Variants in RUBCNL observed in about 807,000 individuals in gnomAD.
RUBCNL encodes rubicon like autophagy enhancer.
A neutral mutation model predicts 69.5 loss-of-function variants in RUBCNL; 62 were observed. The observed-to-expected ratio is 0.89, with a 90% CI of 0.73 to 1.10. RUBCNL has a LOEUF of 1.10. Among genes scored for constraint, RUBCNL ranks in the 50% least tolerant of loss-of-function variants. RUBCNL has a pLI of 0.00. For missense variants in RUBCNL, 768 were observed against 798.1 expected, an observed-to-expected ratio of 0.96 and a Z score of 0.45; for synonymous variants, 291 against 303.6, an observed-to-expected ratio of 0.96 and a Z score of 0.43.
chr13:46,384,615 A>G (rs918791418), intron 1 of RUBCNL, among the ~76,000 whole-genome samples: 4 of 152,236 alleles, frequency 2.6e-5, no homozygotes, highest in East Asian at 1.9e-4. Context: ...TTTAATAAAT[A>G]TAAAGCTAAG....
intron 14 of RUBCNL, 138 bp from the exon 15 acceptor site, chr13:46,343,635 C>T: frequency 3.7e-6 from 3 of 806,826 alleles, no homozygotes; most frequent in Admixed American, 2.9e-5. Context: ...ACCAGCCAGG[C>T]TGAAACGCAC....
intron 2 of RUBCNL, among the ~76,000 whole-genome samples, chr13:46,373,855 A>G (rs770839635): frequency 1.3e-5 from 2 of 152,230 alleles, no homozygotes; most frequent in South Asian, 2.1e-4. Flanking sequence ...CCTATTTGAC[A>G]TCTGTCCAGT....
chr13:46,343,457 G>A lies in RUBCNL; in HGVS notation c.1917C>T (p.Ser639=), dbSNP rs145783562. 147 of 1,613,806 alleles carry A rather than the reference G, an allele frequency of 9.1e-5. No homozygotes were observed. Among genetic ancestry groups the A allele is most frequent in the Middle Eastern group, 6.6e-4 (4 of 6,084 alleles). Residue 639 remains serine, a synonymous_variant, in exon 15 of 15, where the codon TCC becomes TCT. Transcript: ENST00000429979. The part of the protein sequence containing the change: ...ACFHKQCFQS[S]ECPRCARITA... Reference sequence around the variant, plus strand: ...TGATCCTCGCACACCGGGGGCACTCGGAGGACTGGAAGCACTGTTTGTGAA... The same window carrying A: ...TGATCCTCGCACACCGGGGGCACTCAGAGGACTGGAAGCACTGTTTGTGAA...
At chr13:46,349,728 G>A (rs1864300447) in intron 11 of RUBCNL, among the ~76,000 whole-genome samples, 1 of 151,614 alleles carries the variant, frequency 6.6e-6, no homozygotes, top group South Asian at 2.1e-4. Context: ...CCAGGCTGGA[G>A]TGCAGTAGTG....
Position 46,377,949 on chromosome 13 carries a change from A to G in RUBCNL, c.-182T>C. 2 of 1,609,032 alleles carry G rather than the reference A, an allele frequency of 1.2e-6. No individual in the cohort carries two copies. Among genetic ancestry groups the G allele is most frequent in the Non-Finnish European group, 1.7e-6 (2 of 1,178,174 alleles). ...ACAGAGGAGAAAGTAATGATTGGAA[A>G]CCATCAAAGTCCATGCAGTAGTGAC... On this transcript the variant is annotated 5_prime_UTR_variant, in exon 2 of 15. Transcript: ENST00000429979.
chr13:46,382,824 C>T (rs1411785363), intron 1 of RUBCNL, among the ~76,000 whole-genome samples: 1 of 152,200 alleles, frequency 6.6e-6, no homozygotes, highest in Non-Finnish European at 1.5e-5. Flanking sequence ...CATGAGCCAC[C>T]GCGCCTGGCC....
At chr13:46,360,183 G>GT (rs1184562676) in intron 8 of RUBCNL, among the ~76,000 whole-genome samples, 1 of 152,040 alleles carries the variant, frequency 6.6e-6, no homozygotes, top group Non-Finnish European at 1.5e-5. Flanking sequence ...GAGGTCAGGA[G>GT]TTTGAGACCA....
At chr13:46,388,961 T>C (rs2049305327), upstream of RUBCNL, among the ~76,000 whole-genome samples, 2 of 152,232 alleles carry the variant, frequency 1.3e-5, no homozygotes, top group African/African-American at 4.8e-5. Context: ...AGACCAGCTT[T>C]GACCTGCAAG....
chr13:46,335,254 G>GTTTTT lies in RUBCNL; in HGVS notation c.*8130_*8131insAAAAA, dbSNP rs1232528360. On this transcript the variant is annotated 3_prime_UTR_variant, in exon 15 of 15. Coordinates refer to ENST00000429979, the MANE Select transcript of RUBCNL (RefSeq NM_025113.5). ...TAATTTGTGTCTTTTTGTTGTTGTT[G>GTTTTT]TTGTTGTTTTTTTTTTTTTTTTTTT... Among the ~76,000 whole-genome samples the GTTTTT allele has an allele frequency of 9.3e-6, 1 of 107,216 alleles. No homozygotes were observed. The highest frequency in any genetic ancestry group is 3.8e-5 in the African/African-American group (1 of 26,318). The allele number at this position is 107,216 out of a possible 152,430, so 70.3% of individuals were successfully genotyped here. A position where few individuals can be genotyped will look rare whatever the true frequency, so the allele number is the denominator to read the frequency against.
rs2048103090 is a variant in RUBCNL at position 46,336,022 on chromosome 13, G to A, written c.*7363C>T. Among the ~76,000 whole-genome samples the A allele has an allele frequency of 6.6e-6, 1 of 152,188 alleles. No homozygotes were observed. The highest frequency in any genetic ancestry group is 6.5e-5 in the Admixed American group (1 of 15,274). On this transcript the variant is annotated 3_prime_UTR_variant, in exon 15 of 15. Coordinates refer to ENST00000429979, the MANE Select transcript of RUBCNL (RefSeq NM_025113.5). ...TATTTAGAGATGGACAGAGAAAGAA[G>A]AGGAAAACCTACAAAGGAGACCAAG...
chr13:46,389,549 G>A (rs1213650064), upstream of RUBCNL, among the ~76,000 whole-genome samples: 1 of 152,174 alleles, frequency 6.6e-6, no homozygotes, highest in Non-Finnish European at 1.5e-5. This position sits in a 1 kb window ranked among gnomAD's most constrained non-coding sequence, Gnocchi z 4.2. Flanking sequence ...GGGAGATTAG[G>A]ATATTTTGGA....
intron 1 of RUBCNL, among the ~76,000 whole-genome samples, chr13:46,380,979 G>C (rs2049104798): frequency 1.3e-5 from 2 of 152,156 alleles, no homozygotes; most frequent in African/African-American, 2.4e-5. Flanking sequence ...AAGGTAGGCA[G>C]CTGCACTTGA....
rs1344985707 is a variant in RUBCNL at position 46,363,162 on chromosome 13, T to C, written c.878A>G (p.Asp293Gly). 1 of 1,602,452 alleles carries C rather than the reference T, an allele frequency of 6.2e-7. No individual in the cohort carries two copies. Among genetic ancestry groups the C allele is most frequent in the South Asian group, 1.1e-5 (1 of 89,820 alleles). Residue 293 changes from aspartate to glycine, a missense_variant, in exon 6 of 15, where the codon GAT (aspartate) becomes GGT (glycine). Coordinates refer to ENST00000429979, the MANE Select transcript of RUBCNL (RefSeq NM_025113.5). ...SPVTETRTYH[D>G]VKEICKCDVD... Reference sequence around the variant, plus strand: ...ATCGCATTTGCAAATCTCTTTCACATCATGGTAAGTACGTGTTTCAGTCAC... The same window carrying C: ...ATCGCATTTGCAAATCTCTTTCACACCATGGTAAGTACGTGTTTCAGTCAC...
Position 46,336,781 on chromosome 13 carries a change from T to C in RUBCNL, c.*6604A>G, listed in dbSNP as rs542643518. On this transcript the variant is annotated 3_prime_UTR_variant, in exon 15 of 15. Coordinates refer to ENST00000429979, the MANE Select transcript of RUBCNL (RefSeq NM_025113.5). ...GGAAGCGATGGCAAACATTAAAAAC[T>C]GTTCTTTCAAAAATGTTGCTGTGAA... 6.6e-6 allele frequency among the ~76,000 whole-genome samples: 1 copy of C among 152,276 alleles called. No individual in the cohort carries two copies. The highest frequency in any genetic ancestry group is 2.4e-5 in the African/African-American group (1 of 41,548).
intron 10 of RUBCNL, chr13:46,350,596 C>A: frequency 2.5e-6 from 1 of 392,328 alleles, no homozygotes; most frequent in Admixed American, 4.3e-5. Context: ...TCCCAAAATA[C>A]TCCTGGATTT....
chr13:46,353,287 A>G (rs915029453), intron 10 of RUBCNL, among the ~76,000 whole-genome samples: 2 of 152,220 alleles, frequency 1.3e-5, no homozygotes, highest in African/African-American at 4.8e-5. Context: ...GAATTAGTCA[A>G]TACTGAACCA....
At chr13:46,344,653 A>G in intron 14 of RUBCNL, 88 bp downstream of exon 14, 1 of 834,816 alleles carries the variant, frequency 1.2e-6, no homozygotes, top group Non-Finnish European at 1.9e-6. Flanking sequence ...GCTATTATTC[A>G]GCTTAAGTTA....
In RUBCNL at chr13:46,367,883, G is replaced by A. The variant is rs12584146; in HGVS notation, c.826+159C>T. Among the ~76,000 whole-genome samples the A allele has an allele frequency of 0.028, 4,233 of 151,514 alleles. 362 individuals carry two copies. The East Asian group carries it at 0.33, about 12-fold the overall frequency. Reference sequence around the variant, plus strand: ...CACTTAGTAACCCTCTTGGTTACAAGAACAAAAAAAAAGTAGTGTATATAG... The same window carrying A: ...CACTTAGTAACCCTCTTGGTTACAAAAACAAAAAAAAAGTAGTGTATATAG... On this transcript the variant is annotated intron_variant, in intron 5 of 14. Coordinates refer to ENST00000429979, the MANE Select transcript of RUBCNL (RefSeq NM_025113.5).
chr13:46,371,925 C>T lies in RUBCNL; in HGVS notation c.535+16G>A, dbSNP rs1329759379. 1 of 1,612,232 alleles carries T rather than the reference C, an allele frequency of 6.2e-7. No individual in the cohort carries two copies. The highest frequency in any genetic ancestry group is 2.2e-5 in the East Asian group (1 of 44,882). On this transcript the variant is annotated intron_variant, in intron 3 of 14. Transcript: ENST00000429979. ...GTGAACAGAGAGGAATGAGGGAGGT[C>T]ACCTACTAAAATTACCTTCATCAGC... is the stretch of plus-strand genomic sequence containing the variant.
Sources: gnomAD v4.1 joint callset for allele counts (sites outside exome capture counted in the v4.1 genomes callset) on GRCh38, gnomAD v4.1.1 for gene constraint, Gnocchi (gnomAD v3.1) non-coding constraint, MANE v1.5 for transcripts, NCBI Gene and HGNC (gene_info 2026-07-23, HGNC 2026-07-21) for gene names.